Variants in DACH2 observed in about 807,000 individuals in gnomAD.
DACH2 encodes dachshund family transcription factor 2.
A neutral mutation model predicts 35.8 loss-of-function variants in DACH2; 17 were observed. The ratio of observed to expected loss-of-function variants is 0.48; its 90% CI spans 0.33 to 0.71. The LOEUF is 0.71. Among genes scored for constraint, DACH2 ranks in the 30% least tolerant of loss-of-function variants. The pLI, the probability that DACH2 is intolerant of heterozygous loss-of-function variation, is 0.02. For missense variants in DACH2, 469 were observed against 472.7 expected (o/e 0.99, Z 0.07); for synonymous variants, 195 against 177.3 (o/e 1.10, Z -0.79).
intron 2 of DACH2, among the ~76,000 whole-genome samples, chrX:86,417,464 A>G (rs2036726105): frequency 9.0e-6 from 1 of 110,838 alleles, no homozygotes; most frequent in South Asian, 3.8e-4. Context: ...GCAGAAGACA[A>G]GGAGGAGCAA....
intron 2 of DACH2, among the ~76,000 whole-genome samples, chrX:86,420,289 T>C (rs909245360): frequency 1.8e-5 from 2 of 112,327 alleles, no homozygotes; most frequent in African/African-American, 6.5e-5. Flanking sequence ...TCTAGGTTCC[T>C]GAAAAAGATA....
chrX:86,398,189 G>T (rs1420806334), intron 2 of DACH2, among the ~76,000 whole-genome samples: 1 of 112,016 alleles, frequency 8.9e-6, no homozygotes, highest in Admixed American at 9.5e-5. Flanking sequence ...GATGTTTATA[G>T]TATTCTCTGA....
At chrX:86,670,818 T>C (rs2040756677) in intron 4 of DACH2, among the ~76,000 whole-genome samples, 1 of 112,172 alleles carries the variant, frequency 8.9e-6, no homozygotes, top group Non-Finnish European at 1.9e-5. Context: ...TGACTCTTTT[T>C]AAAATCTATA....
chrX:86,282,618 G>A (rs2034054466), intron 1 of DACH2, among the ~76,000 whole-genome samples: 1 of 110,932 alleles, frequency 9.0e-6, no homozygotes, highest in Non-Finnish European at 1.9e-5. Flanking sequence ...AGCCCTTAGA[G>A]TGAACAGGCA....
chrX:86,386,763 A>C (rs190860201), intron 2 of DACH2, among the ~76,000 whole-genome samples: 1 of 111,149 alleles, frequency 9.0e-6, no homozygotes, highest in East Asian at 2.8e-4. Flanking sequence ...CTTGCACTGG[A>C]TGTTCCAGAC....
intron 7 of DACH2, among the ~76,000 whole-genome samples, chrX:86,795,022 G>T (rs909713413): frequency 2.7e-5 from 3 of 110,741 alleles, no homozygotes; most frequent in Non-Finnish European, 5.7e-5. Context: ...CCAAGAAGAG[G>T]AAGTAATTTC....
At chrX:86,382,592 G>A (rs747271885) in intron 2 of DACH2, among the ~76,000 whole-genome samples, 5 of 110,460 alleles carry the variant, frequency 4.5e-5, no homozygotes, top group East Asian at 2.8e-4. Context: ...CACTGGTTAC[G>A]AGTGAAGCTT....
chrX:86,556,354 G>A (rs770664426), intron 3 of DACH2, among the ~76,000 whole-genome samples: 6 of 110,641 alleles, frequency 5.4e-5, no homozygotes, highest in African/African-American at 1.6e-4. Flanking sequence ...TGAGGTAAGC[G>A]TTCATTATCT....
At chrX:86,608,393 T>C (rs1372023341) in intron 3 of DACH2, among the ~76,000 whole-genome samples, 1 of 111,834 alleles carries the variant, frequency 8.9e-6, no homozygotes, top group African/African-American at 3.3e-5. Context: ...GAAATACCAT[T>C]TGACCCAGCC....
At chrX:86,273,376 A>G (rs1423960593) in intron 1 of DACH2, among the ~76,000 whole-genome samples, 1 of 111,609 alleles carries the variant, frequency 9.0e-6, no homozygotes, top group African/African-American at 3.3e-5. Flanking sequence ...TAGGATTTGC[A>G]TGACTTGCTG....
At chrX:86,393,847 A>G (rs753253253) in intron 2 of DACH2, among the ~76,000 whole-genome samples, 4 of 110,873 alleles carry the variant, frequency 3.6e-5, no homozygotes, top group Admixed American at 9.7e-5. Context: ...TACCTACCTG[A>G]CTGGGTGGGA....
chrX:86,409,830 C>A (rs887010221), intron 2 of DACH2, among the ~76,000 whole-genome samples: 1 of 111,881 alleles, frequency 8.9e-6, no homozygotes, highest in Non-Finnish European at 1.9e-5. Context: ...AATCTAAAGC[C>A]CATTTCAAAT....
rs772371313 is a variant in DACH2 at position 86,290,836 on chromosome X, T to G, written c.489-85988T>G. Among the ~76,000 whole-genome samples, 293 of 102,218 alleles carry G rather than the reference T, an allele frequency of 2.9e-3. 3 individuals are homozygous for G. The highest frequency in any genetic ancestry group is 0.01 in the African/African-American group (277 of 27,213). The allele number at this position is 102,218 out of a possible 115,157, so 88.8% of individuals were successfully genotyped here. A position where few individuals can be genotyped will look rare whatever the true frequency, so the allele number is the denominator to read the frequency against. On this transcript the variant is annotated intron_variant, in intron 1 of 11. Transcript: ENST00000373125. ...TTTTGGTTACTGTAGCCTTGTAGTA[T>G]AGTTTGAAGTCAGGTAGTGTGATGC...
intron 2 of DACH2, among the ~76,000 whole-genome samples, chrX:86,377,717 T>C (rs920408645): frequency 8.1e-5 from 9 of 110,583 alleles, no homozygotes; most frequent in African/African-American, 3.0e-4. Flanking sequence ...GCAGGCTTTA[T>C]CCATATTTTT....
At chrX:86,296,406 A>G (rs2034462869) in intron 1 of DACH2, among the ~76,000 whole-genome samples, 1 of 92,351 alleles carries the variant, frequency 1.1e-5, no homozygotes, top group Admixed American at 1.3e-4. Context: ...AAAAAAAAAA[A>G]AAAAGAAATA....
At chrX:86,726,797 T>G (rs7059733) in intron 6 of DACH2, among the ~76,000 whole-genome samples, 30,094 of 111,055 alleles carry the variant, frequency 0.27, 3,393 homozygotes, top group Middle Eastern at 0.42. Context: ...TGTGGAGTCC[T>G]GGGAGCTTCT....
chrX:86,531,362 G>A (rs1164495601), intron 3 of DACH2, among the ~76,000 whole-genome samples: 1 of 111,386 alleles, frequency 9.0e-6, no homozygotes, highest in African/African-American at 3.3e-5. Context: ...TCACAGACCT[G>A]GAGGCATAGG....
chrX:86,400,334 C>T (rs1248809331), intron 2 of DACH2, among the ~76,000 whole-genome samples: 1 of 111,042 alleles, frequency 9.0e-6, no homozygotes, highest in South Asian at 3.8e-4. Context: ...CAAACTTCCT[C>T]CTTTAGCTCG....
At chrX:86,827,802 G>A in intron 11 of DACH2, 14 of 1,163,120 alleles carry the variant, frequency 1.2e-5, no homozygotes, top group Non-Finnish European at 1.6e-5. Context: ...CTGATCATAG[G>A]CACGAATAGG....
Sources: allele counts gnomAD v4.1 joint callset (sites outside exome capture counted in the v4.1 genomes callset), GRCh38; gene constraint gnomAD v4.1.1; transcripts MANE v1.5; gene names NCBI Gene and HGNC (gene_info 2026-07-23, HGNC 2026-07-21).